Variants in IL1RAPL2 observed in about 807,000 individuals in gnomAD.
The protein encoded by IL1RAPL2 is X-linked interleukin-1 receptor accessory protein-like 2.
Under a neutral mutation model 44.1 loss-of-function variants are expected in IL1RAPL2, and 3 were observed. That is an observed-to-expected ratio of 0.07 (90% CI 0.03 to 0.18). The LOEUF is 0.18. Ranked by LOEUF, IL1RAPL2 falls within the 10% of genes least tolerant of loss-of-function variation. IL1RAPL2 has a pLI of 1.00. For missense variants in IL1RAPL2, 391 were observed against 496.4 expected (o/e 0.79, Z 2.02); for synonymous variants, 181 against 178.8 (o/e 1.01, Z -0.10).
intron 2 of IL1RAPL2, among the ~76,000 whole-genome samples, chrX:105,049,474 C>T (rs1042239842): frequency 9.0e-6 from 1 of 111,283 alleles, no homozygotes; most frequent in Non-Finnish European, 1.9e-5. Flanking sequence ...CTGTTCAGTG[C>T]TGAGGGAATT....
At chrX:105,621,379 C>T (rs1419662266) in intron 6 of IL1RAPL2, among the ~76,000 whole-genome samples, 1 of 111,550 alleles carries the variant, frequency 9.0e-6, no homozygotes. Context: ...TTACTAGACA[C>T]AATTATTTGT....
intron 4 of IL1RAPL2, among the ~76,000 whole-genome samples, chrX:105,252,940 C>G (rs2034282745): frequency 9.1e-6 from 1 of 110,089 alleles, no homozygotes; most frequent in South Asian, 3.9e-4. Context: ...TTATTTGGAA[C>G]TTTTTTGTCT....
chrX:105,156,296 A>C (rs1290625395), intron 2 of IL1RAPL2, among the ~76,000 whole-genome samples: 2 of 112,050 alleles, frequency 1.8e-5, no homozygotes, highest in East Asian at 5.6e-4. Context: ...CCTATCCATT[A>C]TTATGCTGAT....
chrX:105,762,595 G>C (rs1362078914), intron 10 of IL1RAPL2, among the ~76,000 whole-genome samples: 2 of 111,820 alleles, frequency 1.8e-5, no homozygotes, highest in African/African-American at 6.5e-5. Context: ...AATGTACTTG[G>C]CTTTGTTTCA....
intron 5 of IL1RAPL2, among the ~76,000 whole-genome samples, chrX:105,352,425 A>C (rs1024851164): frequency 3.6e-5 from 4 of 112,303 alleles, no homozygotes; most frequent in Non-Finnish European, 7.5e-5. Flanking sequence ...CTCTGTACTT[A>C]AATCCCAGTA....
At chrX:104,596,814 G>A (rs1928772647) in intron 1 of IL1RAPL2, among the ~76,000 whole-genome samples, 1 of 111,552 alleles carries the variant, frequency 9.0e-6, no homozygotes, top group Admixed American at 9.6e-5. Context: ...GGATGAGGAA[G>A]TAACATGCGC....
At chrX:105,042,796 C>T (rs1485985399) in intron 2 of IL1RAPL2, among the ~76,000 whole-genome samples, 4 of 107,948 alleles carry the variant, frequency 3.7e-5, no homozygotes, top group Admixed American at 1.0e-4. Context: ...TATTGCGGCA[C>T]TATTCACAAT....
intron 5 of IL1RAPL2, among the ~76,000 whole-genome samples, chrX:105,346,029 C>A (rs2035107680): frequency 9.0e-6 from 1 of 111,310 alleles, no homozygotes; most frequent in Non-Finnish European, 1.9e-5. Context: ...TGCGACATCA[C>A]TCAAGCCTAC....
chrX:104,755,025 A>G (rs1313199951), intron 2 of IL1RAPL2, among the ~76,000 whole-genome samples: 4 of 111,769 alleles, frequency 3.6e-5, no homozygotes, highest in African/African-American at 1.3e-4. Context: ...GACACAATCT[A>G]TAGTCTCAAC....
chrX:105,092,791 C>T (rs2032559454), intron 2 of IL1RAPL2, among the ~76,000 whole-genome samples: 1 of 111,111 alleles, frequency 9.0e-6, no homozygotes, highest in Non-Finnish European at 1.9e-5. Flanking sequence ...CCAAAAGTTG[C>T]ACAGCTGGCA....
chrX:105,504,148 C>A (rs758797411), intron 6 of IL1RAPL2, among the ~76,000 whole-genome samples: 6 of 111,563 alleles, frequency 5.4e-5, no homozygotes, highest in Non-Finnish European at 9.4e-5. Flanking sequence ...GTTTGCTGAG[C>A]TAAAATCTGA....
chrX:105,023,092 G>T (rs2031309575), intron 2 of IL1RAPL2, among the ~76,000 whole-genome samples: 1 of 111,064 alleles, frequency 9.0e-6, no homozygotes, highest in Non-Finnish European at 1.9e-5. Flanking sequence ...CTGCCTTCCT[G>T]TAAAGAGCTA....
intron 6 of IL1RAPL2, among the ~76,000 whole-genome samples, chrX:105,516,363 C>G (rs953302644): frequency 8.9e-6 from 1 of 111,869 alleles, no homozygotes; most frequent in Admixed American, 9.5e-5. Flanking sequence ...TTCAGGGTTG[C>G]CTTTGACAGC....
At chrX:104,724,092 T>C (rs1234752102) in intron 2 of IL1RAPL2, among the ~76,000 whole-genome samples, 2 of 111,185 alleles carry the variant, frequency 1.8e-5, no homozygotes, top group African/African-American at 6.5e-5. Context: ...TCCTAAGAAT[T>C]GAACAACAGG....
chrX:104,690,803 A>T (rs1931079074), intron 2 of IL1RAPL2, among the ~76,000 whole-genome samples: 1 of 111,629 alleles, frequency 9.0e-6, no homozygotes, highest in Non-Finnish European at 1.9e-5. Flanking sequence ...CAAGGGTAAG[A>T]CCTTTATTTC....
chrX:105,464,404 G>A (rs1192670614), intron 5 of IL1RAPL2, among the ~76,000 whole-genome samples: 2 of 111,332 alleles, frequency 1.8e-5, no homozygotes, highest in Non-Finnish European at 3.8e-5. Context: ...ATAGGTTCTT[G>A]GAAACTGTGA....
intron 4 of IL1RAPL2, among the ~76,000 whole-genome samples, chrX:105,243,416 A>G (rs967679599): frequency 9.2e-6 from 1 of 108,938 alleles, no homozygotes; most frequent in Non-Finnish European, 1.9e-5. Flanking sequence ...AATCAATTAA[A>G]CCTACTTTCT....
At chrX:104,758,694 T>G (rs1401052540) in intron 2 of IL1RAPL2, among the ~76,000 whole-genome samples, 4 of 112,205 alleles carry the variant, frequency 3.6e-5, no homozygotes, top group Non-Finnish European at 7.5e-5. Flanking sequence ...ATGGTAAGTT[T>G]TTTAAGCAGA....
chrX:105,177,035 C>T (rs1349817704), intron 2 of IL1RAPL2, among the ~76,000 whole-genome samples: 1 of 111,231 alleles, frequency 9.0e-6, no homozygotes, highest in Admixed American at 9.5e-5. Context: ...GGGTCTTCAA[C>T]CTCCTGGACC....
Sources: allele counts gnomAD v4.1 joint callset (sites outside exome capture counted in the v4.1 genomes callset), GRCh38; gene constraint gnomAD v4.1.1; transcripts MANE v1.5; gene names NCBI Gene and HGNC (gene_info 2026-07-23, HGNC 2026-07-21).